Variants in GPC5 observed in about 807,000 individuals in gnomAD.
The protein encoded by GPC5 is glypican-5.
GPC5 carries 47 observed loss-of-function variants against 53.9 expected under a neutral mutation model. The ratio of observed to expected loss-of-function variants is 0.87; its 90% CI spans 0.69 to 1.11. GPC5 has a LOEUF of 1.11. GPC5 is among the 50% of genes most tolerant of loss of function. GPC5 has a pLI of 0.00. For synonymous variants in GPC5, 286 were observed against 263.3 expected (o/e 1.09, Z -0.84); for missense variants, 748 against 713.1 (o/e 1.05, Z -0.56).
intron 7 of GPC5, among the ~76,000 whole-genome samples, chr13:92,652,201 A>G (rs1301910020): frequency 1.3e-5 from 2 of 152,198 alleles, no homozygotes; most frequent in Admixed American, 1.3e-4. Context: ...TTTATGGTTT[A>G]AAATACTTTT....
intron 7 of GPC5, among the ~76,000 whole-genome samples, chr13:92,790,064 TCAAGTTCTCC>T (rs1040430655): frequency 1.3e-5 from 2 of 152,132 alleles, no homozygotes; most frequent in Non-Finnish European, 2.9e-5. Flanking sequence ...ATTCAGCAAG[TCAAGTTCTCC>T]CAAGTTCTCT....
At position 91,655,508 on chromosome 13, in the gene GPC5, C is replaced by G. The variant is rs376785655; in HGVS notation, c.326-37679C>G. Reference sequence around the variant, plus strand: ...AAGCTTAAATCATAAAATAAAATCTCAAAAGGCATTTAATCATATATAATC... The same window carrying G: ...AAGCTTAAATCATAAAATAAAATCTGAAAAGGCATTTAATCATATATAATC... On this transcript the variant is annotated intron_variant, in intron 2 of 7. Coordinates refer to ENST00000377067, the MANE Select transcript of GPC5 (RefSeq NM_004466.6). Among the ~76,000 whole-genome samples, 165 of 151,976 alleles carry G rather than the reference C, an allele frequency of 1.1e-3. 4 individuals carry two copies. The South Asian group carries it at 0.033, about 30-fold the overall frequency.
chr13:92,384,077 A>T (rs928806223), intron 7 of GPC5, among the ~76,000 whole-genome samples: 1 of 151,986 alleles, frequency 6.6e-6, no homozygotes, highest in East Asian at 1.9e-4. Context: ...TCAATTAAAC[A>T]TATACAAAGA....
intron 2 of GPC5, among the ~76,000 whole-genome samples, chr13:91,537,221 T>G (rs1594222902): frequency 6.6e-6 from 1 of 151,316 alleles, no homozygotes; most frequent in East Asian, 1.9e-4. Flanking sequence ...AAACAGAGAA[T>G]AGAAAAAGAA....
chr13:92,815,466 G>T (rs1246561136), intron 7 of GPC5, among the ~76,000 whole-genome samples: 1 of 151,898 alleles, frequency 6.6e-6, no homozygotes, highest in Non-Finnish European at 1.5e-5. Context: ...GTAATCAGAG[G>T]AGAAAATTGT....
intron 4 of GPC5, among the ~76,000 whole-genome samples, chr13:91,732,521 G>A (rs999874120): frequency 4.0e-5 from 6 of 151,878 alleles, no homozygotes; most frequent in African/African-American, 1.5e-4. Context: ...AAGCTTTTTA[G>A]TTTAATTAGA....
At chr13:91,829,639 G>A (rs926403831) in intron 5 of GPC5, among the ~76,000 whole-genome samples, 5 of 152,000 alleles carry the variant, frequency 3.3e-5, no homozygotes, top group African/African-American at 4.8e-5. Flanking sequence ...CGGGGAACCT[G>A]CCCTGATAGT....
rs141292555 is a variant in GPC5 at position 92,237,108 on chromosome 13, T to C, written c.1561+92119T>C. ...AACTGACATCATGTTCTGAAAACTC[T>C]CTTGAGCTTTTGCATGAGCTCAGAT... On this transcript the variant is annotated intron_variant, in intron 7 of 7. Coordinates refer to ENST00000377067, the MANE Select transcript of GPC5 (RefSeq NM_004466.6). 1.2e-4 allele frequency among the ~76,000 whole-genome samples: 18 copies of C among 152,286 alleles called. No homozygotes were observed. The East Asian group carries it at 3.5e-3, about 29-fold the overall frequency.
intron 3 of GPC5, among the ~76,000 whole-genome samples, chr13:91,695,664 T>G (rs939120901): frequency 1.3e-5 from 2 of 152,138 alleles, no homozygotes; most frequent in Non-Finnish European, 2.9e-5. Context: ...CATGAGCCAC[T>G]GAGCCGGACC....
intron 7 of GPC5, among the ~76,000 whole-genome samples, chr13:92,205,290 A>C (rs2042325826): frequency 6.6e-6 from 1 of 152,080 alleles, no homozygotes; most frequent in African/African-American, 2.4e-5. Context: ...AGTTTTTATT[A>C]GGGTTTCATT....
At position 92,283,714 on chromosome 13, in the gene GPC5, A is replaced by C. The variant is rs555293296; in HGVS notation, c.1561+138725A>C. Among the ~76,000 whole-genome samples the C allele has an allele frequency of 3.2e-3, 482 of 152,360 alleles. 2 individuals are homozygous for C. The highest frequency in any genetic ancestry group is 0.011 in the African/African-American group (460 of 41,574). On this transcript the variant is annotated intron_variant, in intron 7 of 7. Coordinates refer to ENST00000377067, the MANE Select transcript of GPC5 (RefSeq NM_004466.6). ...ACCAATGAGAACAAAGACACAACAT[A>C]CCAGAATCTGTGGGACACATTTAAA...
intron 2 of GPC5, among the ~76,000 whole-genome samples, chr13:91,487,431 C>T (rs1883673170): frequency 1.3e-5 from 2 of 152,126 alleles, no homozygotes; most frequent in African/African-American, 2.4e-5. Context: ...TTACATTTCT[C>T]ACTCTTATTT....
At chr13:91,480,415 G>T (rs913548446) in intron 2 of GPC5, among the ~76,000 whole-genome samples, 1 of 152,192 alleles carries the variant, frequency 6.6e-6, no homozygotes, top group Non-Finnish European at 1.5e-5. Context: ...TATAAAGAGC[G>T]ATGAGTGGTG....
intron 5 of GPC5, among the ~76,000 whole-genome samples, chr13:91,829,644 G>A (rs2138851373): frequency 6.6e-6 from 1 of 152,126 alleles, no homozygotes; most frequent in East Asian, 1.9e-4. Context: ...AACCTGCCCT[G>A]ATAGTCATGT....
intron 7 of GPC5, among the ~76,000 whole-genome samples, chr13:92,251,779 G>A (rs1005953375): frequency 6.6e-6 from 1 of 152,062 alleles, no homozygotes; most frequent in Non-Finnish European, 1.5e-5. Context: ...ATAGGAAAAT[G>A]TGTTTAACCA....
chr13:92,381,092 A>C (rs750391518), intron 7 of GPC5, among the ~76,000 whole-genome samples: 15 of 152,172 alleles, frequency 9.9e-5, no homozygotes, highest in Non-Finnish European at 1.6e-4. Context: ...TAAATATTTT[A>C]ATGTGAACAC....
intron 7 of GPC5, among the ~76,000 whole-genome samples, chr13:92,173,737 CT>C (rs2042087327): frequency 6.6e-6 from 1 of 152,206 alleles, no homozygotes; most frequent in Non-Finnish European, 1.5e-5. Flanking sequence ...TCTCCCCTTA[CT>C]AAGACCCTTG....
At chr13:92,047,905 C>T (rs918051913) in intron 6 of GPC5, among the ~76,000 whole-genome samples, 3 of 151,024 alleles carry the variant, frequency 2.0e-5, no homozygotes, top group African/African-American at 7.3e-5. Context: ...GCAGTAGAAT[C>T]GCTTGAACCT....
chr13:92,441,630 AG>A (rs977630862), intron 7 of GPC5, among the ~76,000 whole-genome samples: 27 of 152,186 alleles, frequency 1.8e-4, no homozygotes, highest in Non-Finnish European at 3.8e-4. Context: ...CTAACCAAGG[AG>A]GGGAAAGATC....
Sources: allele counts gnomAD v4.1 joint callset (sites outside exome capture counted in the v4.1 genomes callset), GRCh38; gene constraint gnomAD v4.1.1; transcripts MANE v1.5; gene names NCBI Gene and HGNC (gene_info 2026-07-23, HGNC 2026-07-21).